The following XPO1 variants were observed in gnomAD, a reference collection of about 807,000 sequenced individuals.
XPO1 encodes exportin-1.
XPO1 carries 5 observed loss-of-function variants against 133.3 expected under a neutral mutation model. The observed-to-expected ratio is 0.04, with a 90% CI of 0.02 to 0.08. XPO1 has a LOEUF of 0.08. XPO1 is among the 10% of genes least tolerant of loss of function. The pLI is 1.00. For synonymous variants in XPO1, 419 were observed against 408.2 expected (o/e 1.03, Z -0.32); for missense variants, 506 against 1,267.5 (o/e 0.40, Z 9.12).
chr2:61,489,101 C>CA lies in XPO1; in HGVS notation c.2023-331dup, dbSNP rs35187682. Among the ~76,000 whole-genome samples, 117 of 141,566 alleles carry CA rather than the reference C, an allele frequency of 8.3e-4. 1 individual carries two copies. The East Asian group carries it at 9.8e-3, about 12-fold the overall frequency. 92.9% of individuals were successfully genotyped at this position (141,566 alleles called of 152,430 possible). A position where few individuals can be genotyped will look rare whatever the true frequency, so the allele number is the denominator to read the frequency against. ...TGGGCGAAAGAGCAAGACTCCGTCT[C>CA]AAAAAAAAAAAAAGAATTATCCATC... On this transcript the variant is annotated intron_variant, in intron 17 of 24. Coordinates refer to ENST00000401558, the MANE Select transcript of XPO1 (RefSeq NM_003400.4).
chr2:61,532,472 T>C (rs969103593), intron 2 of XPO1, among the ~76,000 whole-genome samples: 2 of 151,854 alleles, frequency 1.3e-5, no homozygotes, highest in East Asian at 1.9e-4. Context: ...CTTGACAATA[T>C]AAGTAACCTC....
chr2:61,493,709 C>A lies in XPO1; in HGVS notation c.1245+185G>T, dbSNP rs902661213. The A allele has an allele frequency of 6.3e-6, 4 of 637,470 alleles. No homozygotes were observed. In the Admixed American group the frequency reaches 9.1e-5, roughly 15 times the overall value. The allele number at this position is 637,470 out of a possible 1,614,324, so 39.5% of individuals were successfully genotyped here. A position where few individuals can be genotyped will look rare whatever the true frequency, so the allele number is the denominator to read the frequency against. ...ACCAATGTTGATACTGAGAGAAGGA[C>A]CACACTCTTGAGAATCAAGGTTCTA... On this transcript the variant is annotated intron_variant, in intron 12 of 24. Transcript: ENST00000401558.
chr2:61,533,406 TTTTA>T (rs1285343194), intron 2 of XPO1, among the ~76,000 whole-genome samples: 1 of 152,212 alleles, frequency 6.6e-6, no homozygotes, highest in Non-Finnish European at 1.5e-5. Flanking sequence ...GTATTCCTGT[TTTTA>T]TTTAAACAAA....
chr2:61,491,520 A>C (rs1024255127), intron 16 of XPO1, among the ~76,000 whole-genome samples: 5 of 151,592 alleles, frequency 3.3e-5, no homozygotes, highest in East Asian at 2.0e-4. Context: ...CAAAACAAAA[A>C]ACACCTGATT....
intron 24 of XPO1, among the ~76,000 whole-genome samples, chr2:61,479,204 C>T (rs1696206718): frequency 3.3e-5 from 5 of 152,222 alleles, no homozygotes; most frequent in South Asian, 4.1e-4. Flanking sequence ...TGGTGGCTCA[C>T]GCCTGTAATC....
Position 61,501,984 on chromosome 2 carries a change from G to A in XPO1, c.408+12C>T, listed in dbSNP as rs764679263. The A allele has an allele frequency of 6.3e-7, 1 of 1,585,254 alleles. No homozygotes were observed. Among genetic ancestry groups the A allele is most frequent in the Non-Finnish European group, 8.6e-7 (1 of 1,163,392 alleles). On this transcript the variant is annotated intron_variant, in intron 6 of 24. Coordinates refer to ENST00000401558, the MANE Select transcript of XPO1 (RefSeq NM_003400.4). Reference sequence around the variant, plus strand: ...TAATTCTTCTAAGGAAAACAGTTAAGTTAAAGCTTACCTGAACAAGGATCA... The same window carrying A: ...TAATTCTTCTAAGGAAAACAGTTAAATTAAAGCTTACCTGAACAAGGATCA...
chr2:61,534,021 G>A, intron 1 of XPO1, 118 bp from the exon 2 acceptor site: 11 of 1,052,634 alleles, frequency 1.0e-5, no homozygotes, highest in Non-Finnish European at 1.4e-5. Flanking sequence ...ATACTTTAGA[G>A]ACTTTAATTA....
intron 6 of XPO1, 111 bp from the exon 7 acceptor site, chr2:61,500,005 T>TC: frequency 9.3e-7 from 1 of 1,075,726 alleles, no homozygotes; most frequent in South Asian, 1.5e-5. Context: ...AAATCACTTT[T>TC]CATTTTCTCC....
chr2:61,514,940 A>C (rs1018193724), intron 4 of XPO1, among the ~76,000 whole-genome samples: 2 of 151,972 alleles, frequency 1.3e-5, no homozygotes, highest in Non-Finnish European at 2.9e-5. Flanking sequence ...GTGGTGGTGC[A>C]TGCTTGTAAT....
chr2:61,499,831 T>C lies in XPO1; in HGVS notation c.472A>G (p.Arg158Gly). 2.5e-6 allele frequency: 4 copies of C among 1,613,260 alleles called. No homozygotes were observed. Among genetic ancestry groups the C allele is most frequent in the Non-Finnish European group, 3.4e-6 (4 of 1,179,838 alleles). Residue 158 changes from arginine to glycine, a missense_variant, in exon 7 of 25, where the codon AGG (arginine) becomes GGG (glycine). By Grantham distance (125) the Arg-to-Gly change is moderately radical. Around this residue, in one of 6 missense-constraint regions of XPO1, gnomAD observed 68 missense variants for 210.5 expected, o/e 0.32. Transcript: ENST00000401558. ...TTTTGACAGAGACTTTCGCTGGTCC[T>C]ACTTGCTCCAACAATATCACTGATA... Reference protein sequence around the residue: ...TFISDIVGASRTSESLCQNNM... With the variant: ...TFISDIVGASGTSESLCQNNM...
chr2:61,533,046 G>A (rs1244517382), intron 2 of XPO1, among the ~76,000 whole-genome samples: 1 of 152,062 alleles, frequency 6.6e-6, no homozygotes, highest in African/African-American at 2.4e-5. Context: ...AGGCATGGTG[G>A]CGTGTGCCTG....
rs1420299188 is a variant in XPO1 at position 61,478,455 on chromosome 2, T to G, written c.*365A>C. 1 of 272,248 alleles carries G rather than the reference T, an allele frequency of 3.7e-6. No individual in the cohort carries two copies. The highest frequency in any genetic ancestry group is 6.9e-6 in the Non-Finnish European group (1 of 144,006). The allele number at this position is 272,248 out of a possible 1,614,324, so 16.9% of individuals were successfully genotyped here. ...AATAGACTAGAAGGAAAATGCTCCCTAATTAAAAATTGGTATTGTTTACAG... is the reference window on the plus strand; with the variant it reads ...AATAGACTAGAAGGAAAATGCTCCCGAATTAAAAATTGGTATTGTTTACAG... On this transcript the variant is annotated 3_prime_UTR_variant, in exon 25 of 25. Transcript: ENST00000401558.
intron 7 of XPO1, 93 bp downstream of exon 7, chr2:61,499,620 C>G (rs1326460106): frequency 1.6e-6 from 2 of 1,226,264 alleles, no homozygotes; most frequent in Non-Finnish European, 2.2e-6. Context: ...TATTACTGAT[C>G]ATAGTTCCTT....
At chr2:61,515,162 G>T (rs1464971888) in intron 4 of XPO1, among the ~76,000 whole-genome samples, 2 of 152,052 alleles carry the variant, frequency 1.3e-5, no homozygotes, top group Non-Finnish European at 2.9e-5. Flanking sequence ...CAGTGAAGGT[G>T]AAAGTAATCG....
Position 61,538,188 on chromosome 2 carries a change from T to A in XPO1, c.-633A>T. 1 of 218,666 alleles carries A rather than the reference T, an allele frequency of 4.6e-6. No individual in the cohort carries two copies. The highest frequency in any genetic ancestry group is 9.1e-6 in the Non-Finnish European group (1 of 109,792). The allele number at this position is 218,666 out of a possible 1,614,324, so 13.5% of individuals were successfully genotyped here. ...ACCGCCGCCGGGGCTGTAGCTACTG[T>A]TGCTCTTGCTGATGCTGTAGCTCCC... On this transcript the variant is annotated 5_prime_UTR_variant, in exon 1 of 25. Transcript: ENST00000401558.
intron 2 of XPO1, among the ~76,000 whole-genome samples, chr2:61,532,288 T>C (rs1195012963): frequency 6.6e-6 from 1 of 151,604 alleles, no homozygotes; most frequent in Non-Finnish European, 1.5e-5. Flanking sequence ...CCACCACGCC[T>C]GGCTAATTTT....
intron 19 of XPO1, 128 bp from the exon 20 acceptor site, chr2:61,486,090 G>A: frequency 2.3e-6 from 2 of 875,126 alleles, no homozygotes; most frequent in East Asian, 5.4e-5. Flanking sequence ...TCTTGTGTTT[G>A]TATTAGGGTT....
At chr2:61,483,639 T>C in intron 21 of XPO1, 1 of 254,972 alleles carries the variant, frequency 3.9e-6, no homozygotes, top group Non-Finnish European at 7.4e-6. Flanking sequence ...CCTTTCACCA[T>C]TTCTGAAAGC....
At position 61,482,441 on chromosome 2, in the gene XPO1, GGTT is replaced by G. The variant is rs1558626677; in HGVS notation, c.2908_2910del (p.Asn970del). The stretch of plus-strand genomic sequence containing the variant: ...GCCACATATTCCTGAAGAAAGATTT[GGTT>G]GTTAACTGGATTTCCAGGATTTAAT... On this transcript the variant is annotated inframe_deletion, in exon 23 of 25. Transcript: ENST00000401558. 3.7e-6 allele frequency: 6 copies of G among 1,613,214 alleles called. No homozygotes were observed. The highest frequency in any genetic ancestry group is 2.2e-5 in the East Asian group (1 of 44,848).
Sources: allele counts gnomAD v4.1 joint callset (sites outside exome capture counted in the v4.1 genomes callset), GRCh38; gene constraint gnomAD v4.1.1; regional missense constraint gnomAD v4.1.1; transcripts MANE v1.5; gene names NCBI Gene and HGNC (gene_info 2026-07-23, HGNC 2026-07-21).